The following PXDNL variants were observed in gnomAD, a reference collection of about 807,000 sequenced individuals.
PXDNL encodes peroxidasin like.
A neutral mutation model predicts 150.8 loss-of-function variants in PXDNL; 145 were observed. That is an observed-to-expected ratio of 0.96 (90% CI 0.84 to 1.10). PXDNL has a LOEUF of 1.10. PXDNL is among the 50% of genes least tolerant of loss of function. The pLI, the probability that PXDNL is intolerant of heterozygous loss-of-function variation, is 0.00. For missense variants in PXDNL, 2,087 were observed against 1,873.9 expected (o/e 1.11, Z -2.10); for synonymous variants, 757 against 725.7 (o/e 1.04, Z -0.69).
intron 4 of PXDNL, among the ~76,000 whole-genome samples, chr8:51,535,726 T>TA (rs1812057900): frequency 2.1e-5 from 3 of 142,362 alleles, no homozygotes; most frequent in African/African-American, 8.5e-5. Flanking sequence ...AAAAAATAAA[T>TA]AAATAAATAA....
chr8:51,672,591 C>T (rs1179448188), intron 1 of PXDNL, among the ~76,000 whole-genome samples: 10 of 152,022 alleles, frequency 6.6e-5, no homozygotes, highest in Admixed American at 6.6e-4. Flanking sequence ...TACAGTCATA[C>T]TCTAAGTGGT....
intron 2 of PXDNL, among the ~76,000 whole-genome samples, chr8:51,610,037 A>T (rs1563482710): frequency 6.6e-6 from 1 of 151,584 alleles, no homozygotes; most frequent in Admixed American, 6.6e-5. Context: ...TAATCTTTCC[A>T]TTTTTTTTCA....
intron 1 of PXDNL, among the ~76,000 whole-genome samples, chr8:51,714,026 C>T (rs560091392): frequency 3.3e-5 from 5 of 152,102 alleles, no homozygotes; most frequent in Middle Eastern, 6.8e-3. Flanking sequence ...TAACAAGAGC[C>T]GGTAATTTTT....
At chr8:51,797,782 T>C (rs1175701063) in intron 1 of PXDNL, among the ~76,000 whole-genome samples, 1 of 152,180 alleles carries the variant, frequency 6.6e-6, no homozygotes, top group African/African-American at 2.4e-5. Context: ...GCTATTCCCA[T>C]TAAACTACCA....
At chr8:51,686,936 A>G (rs1392191372) in intron 1 of PXDNL, among the ~76,000 whole-genome samples, 1 of 152,124 alleles carries the variant, frequency 6.6e-6, no homozygotes. Context: ...TAAGGAAAAC[A>G]TCAAAAACTC....
intron 12 of PXDNL, among the ~76,000 whole-genome samples, chr8:51,432,252 AT>A (rs1179699527): frequency 3.3e-5 from 5 of 152,212 alleles, no homozygotes; most frequent in Non-Finnish European, 1.5e-5. Context: ...GCCATGAGCA[AT>A]GACACTGCTT....
chr8:51,509,435 C>T (rs1811363316), intron 4 of PXDNL, among the ~76,000 whole-genome samples: 1 of 152,012 alleles, frequency 6.6e-6, no homozygotes, highest in Non-Finnish European at 1.5e-5. Context: ...CTCTGATCTA[C>T]ACAGTTCTGT....
chr8:51,418,950 A>G (rs1415380519), intron 14 of PXDNL, among the ~76,000 whole-genome samples: 1 of 152,156 alleles, frequency 6.6e-6, no homozygotes, highest in Admixed American at 6.5e-5. Context: ...TTAGGGAAGG[A>G]AAGACGAGGG....
At chr8:51,378,675 A>C (rs1308303354) in intron 17 of PXDNL, among the ~76,000 whole-genome samples, 1 of 152,140 alleles carries the variant, frequency 6.6e-6, no homozygotes, top group Non-Finnish European at 1.5e-5. Flanking sequence ...CACTGTGAAG[A>C]TCTGCAACTT....
At chr8:51,592,295 C>A (rs1328440537) in intron 3 of PXDNL, among the ~76,000 whole-genome samples, 1 of 152,140 alleles carries the variant, frequency 6.6e-6, no homozygotes, top group East Asian at 1.9e-4. Flanking sequence ...AACAAAAAAA[C>A]CCTTTTCTGT....
intron 5 of PXDNL, among the ~76,000 whole-genome samples, chr8:51,484,650 A>G (rs868568911): frequency 1.4e-4 from 21 of 152,126 alleles, no homozygotes; most frequent in African/African-American, 4.8e-4. Context: ...GAGCTGGATC[A>G]CAGAGAGGTG....
chr8:51,692,969 A>G (rs6986605), intron 1 of PXDNL, among the ~76,000 whole-genome samples: 113,928 of 152,180 alleles, frequency 0.75, 42,753 homozygotes, highest in East Asian at 0.82. Flanking sequence ...TCACATCAGA[A>G]GTCACAATTT....
intron 17 of PXDNL, among the ~76,000 whole-genome samples, chr8:51,386,286 T>C (rs1001516759): frequency 9.2e-5 from 14 of 151,978 alleles, no homozygotes; most frequent in Admixed American, 2.0e-4. Context: ...AGAGATGGGG[T>C]TTCACCATAT....
chr8:51,741,198 T>A (rs1482118000), intron 1 of PXDNL, among the ~76,000 whole-genome samples: 2 of 152,174 alleles, frequency 1.3e-5, no homozygotes, highest in African/African-American at 4.8e-5. Flanking sequence ...TTCTTTCTGG[T>A]TTAGTCTTGG....
chr8:51,643,609 A>G (rs866958607), intron 2 of PXDNL, among the ~76,000 whole-genome samples: 4 of 152,188 alleles, frequency 2.6e-5, no homozygotes, highest in African/African-American at 4.8e-5. Flanking sequence ...AACCTAGGCA[A>G]TACCATTCAG....
chr8:51,623,056 A>T (rs576447716), intron 2 of PXDNL, among the ~76,000 whole-genome samples: 2 of 152,388 alleles, frequency 1.3e-5, no homozygotes, highest in East Asian at 3.9e-4. Flanking sequence ...TAAGAAGTAC[A>T]AAGGTTTCCA....
At chr8:51,564,576 T>C (rs527367129) in intron 3 of PXDNL, among the ~76,000 whole-genome samples, 2 of 151,498 alleles carry the variant, frequency 1.3e-5, no homozygotes, top group Non-Finnish European at 2.9e-5. Context: ...TGTGTCCATA[T>C]GTACTTAACA....
At position 51,628,117 on chromosome 8, in the gene PXDNL, A is replaced by C. The variant is rs144323636; in HGVS notation, c.236+26572T>G. ...TAGGATATTCAAAATTGCTGTGTAC[A>C]CTGGGAAATTTAGAAAGCCACAAGC... On this transcript the variant is annotated intron_variant, in intron 2 of 22. Transcript: ENST00000356297. 1.0e-3 allele frequency among the ~76,000 whole-genome samples: 156 copies of C among 152,298 alleles called. 1 individual carries two copies. The highest frequency in any genetic ancestry group is 3.5e-3 in the African/African-American group (147 of 41,580).
At chr8:51,692,040 C>A (rs1299426420) in intron 1 of PXDNL, among the ~76,000 whole-genome samples, 2 of 152,160 alleles carry the variant, frequency 1.3e-5, no homozygotes, top group African/African-American at 4.8e-5. Flanking sequence ...TTGCAAGTAG[C>A]AGCAAGGGCC....
Sources: allele counts gnomAD v4.1 joint callset (sites outside exome capture counted in the v4.1 genomes callset), GRCh38; gene constraint gnomAD v4.1.1; transcripts MANE v1.5; gene names NCBI Gene and HGNC (gene_info 2026-07-23, HGNC 2026-07-21).